The following LEMD1 variants were observed in gnomAD, a reference collection of about 807,000 sequenced individuals.
The protein encoded by LEMD1 is LEM domain containing 1.
A neutral mutation model predicts 17.4 loss-of-function variants in LEMD1; 18 were observed. That is an observed-to-expected ratio of 1.04 (90% CI 0.72 to 1.54). The LOEUF (loss-of-function observed/expected upper bound fraction) is 1.54. Among genes scored for constraint, LEMD1 ranks in the 40% most tolerant of loss-of-function variants. The pLI is 0.00. For missense variants in LEMD1, 195 were observed against 210.4 expected (o/e 0.93, Z 0.45); for synonymous variants, 88 against 77.8 (o/e 1.13, Z -0.69).
rs1318697733 is a variant in LEMD1 at position 205,411,586 on chromosome 1, AAAGG to A, written c.270+4642_270+4645del. 1.2e-4 allele frequency among the ~76,000 whole-genome samples: 18 copies of A among 148,678 alleles called. 1 individual carries two copies. In the South Asian group the frequency reaches 1.3e-3, roughly 11 times the overall value. ...AAAAAAAAAGAAAGAAGGAGAGAGG[AAAGG>A]AAGGAAGGAAGGTAGGAAGGAAAGA... On this transcript the variant is annotated intron_variant, in intron 4 of 5. Transcript: ENST00000367153.
chr1:205,388,887 G>A (rs753859025), intron 4 of LEMD1, among the ~76,000 whole-genome samples: 5 of 151,964 alleles, frequency 3.3e-5, no homozygotes, highest in Non-Finnish European at 5.9e-5. Flanking sequence ...GTATATCACA[G>A]TCAGTCTGAA....
intron 4 of LEMD1, among the ~76,000 whole-genome samples, chr1:205,394,802 C>T (rs1458033972): frequency 6.6e-6 from 1 of 151,714 alleles, no homozygotes; most frequent in African/African-American, 2.4e-5. Context: ...ACCTGACCAA[C>T]GTGGTGAAAC....
At chr1:205,384,453 A>C in intron 4 of LEMD1, 89 bp from the exon 5 acceptor site, 3 of 795,068 alleles carry the variant, frequency 3.8e-6, no homozygotes, top group Admixed American at 3.9e-5. Flanking sequence ...AAAGTCACAT[A>C]ATATGCCAAA....
At chr1:205,431,631 C>G (rs1206921324) in intron 1 of LEMD1, among the ~76,000 whole-genome samples, 1 of 152,154 alleles carries the variant, frequency 6.6e-6, no homozygotes, top group Non-Finnish European at 1.5e-5. Context: ...AAACTGAGGT[C>G]CAGACAAAGT....
Position 205,384,545 on chromosome 1 carries a change from G to T in LEMD1, c.271-181C>A, listed in dbSNP as rs571276868. On this transcript the variant is annotated intron_variant, in intron 4 of 5. Transcript: ENST00000367153. ...TTCAAGAATTAGCAAAAACATCTAA[G>T]TTCCATGGAGTAATATTTTACTTCA... Among the ~76,000 whole-genome samples the T allele has an allele frequency of 2.6e-5, 4 of 152,220 alleles. No individual in the cohort carries two copies. The South Asian group carries it at 8.3e-4, about 32-fold the overall frequency.
At chr1:205,416,174 G>A (rs1399898266) in intron 4 of LEMD1, 58 bp downstream of exon 4, 3 of 1,106,182 alleles carry the variant, frequency 2.7e-6, no homozygotes, top group South Asian at 1.4e-5. Flanking sequence ...GATGAACAGA[G>A]CTACTCCCTG....
chr1:205,438,992 C>T (rs1401382507), intron 1 of LEMD1, among the ~76,000 whole-genome samples: 8 of 152,232 alleles, frequency 5.3e-5, no homozygotes. Flanking sequence ...GTGGTCAGGA[C>T]ATAACACCCA....
intron 4 of LEMD1, among the ~76,000 whole-genome samples, chr1:205,402,695 C>T (rs1047187426): frequency 6.6e-6 from 1 of 151,118 alleles, no homozygotes; most frequent in Admixed American, 6.6e-5. Flanking sequence ...CCTTTATTTC[C>T]TTCTCCTGCC....
At chr1:205,420,756 T>C (rs550508311) in intron 1 of LEMD1, among the ~76,000 whole-genome samples, 182 bp from the exon 2 acceptor site, 1 of 152,362 alleles carries the variant, frequency 6.6e-6, no homozygotes, top group South Asian at 2.1e-4. Flanking sequence ...TTGCCTCCAA[T>C]GTAAAACTTT....
At chr1:205,383,904 G>A (rs2102331630) in intron 5 of LEMD1, among the ~76,000 whole-genome samples, 1 of 151,786 alleles carries the variant, frequency 6.6e-6, no homozygotes, top group South Asian at 2.1e-4. Flanking sequence ...CCAAAGTGCT[G>A]GGATTACAGG....
chr1:205,390,089 T>C (rs1220957602), intron 4 of LEMD1, among the ~76,000 whole-genome samples: 1 of 152,192 alleles, frequency 6.6e-6, no homozygotes, highest in African/African-American at 2.4e-5. Context: ...GGGAGGTGGC[T>C]CACGCCTGTA....
At chr1:205,391,320 G>A (rs1055674837) in intron 4 of LEMD1, among the ~76,000 whole-genome samples, 1 of 151,990 alleles carries the variant, frequency 6.6e-6, no homozygotes, top group Non-Finnish European at 1.5e-5. Flanking sequence ...AGGCCAGGGA[G>A]CTTGAGACTT....
intron 1 of LEMD1, among the ~76,000 whole-genome samples, chr1:205,439,153 CTT>C (rs574966607): frequency 6.6e-6 from 1 of 152,226 alleles, no homozygotes; most frequent in Non-Finnish European, 1.5e-5. Flanking sequence ...CTGCCCATCT[CTT>C]TGCCTCACCC....
intron 4 of LEMD1, among the ~76,000 whole-genome samples, chr1:205,412,229 G>A (rs1010528784): frequency 6.6e-6 from 1 of 152,018 alleles, no homozygotes; most frequent in African/African-American, 2.4e-5. Flanking sequence ...TTGGTAGAAG[G>A]GCACTTAGAG....
At chr1:205,382,059 T>C (rs1663729376) in intron 5 of LEMD1, 1 of 582,848 alleles carries the variant, frequency 1.7e-6, no homozygotes, top group East Asian at 2.9e-5. Context: ...TGGAGTGCAG[T>C]GGTACAATCA....
At chr1:205,432,291 C>A (rs1345504631) in intron 1 of LEMD1, among the ~76,000 whole-genome samples, 1 of 152,172 alleles carries the variant, frequency 6.6e-6, no homozygotes, top group African/African-American at 2.4e-5. Flanking sequence ...CAGAGAGCCC[C>A]CAGCCACTCC....
chr1:205,391,834 G>A (rs990927728), intron 4 of LEMD1, among the ~76,000 whole-genome samples: 1 of 152,108 alleles, frequency 6.6e-6, no homozygotes, highest in Non-Finnish European at 1.5e-5. Context: ...AAGGCCGGGT[G>A]TGGTGGCTCA....
chr1:205,409,531 A>G (rs377400947), intron 4 of LEMD1, among the ~76,000 whole-genome samples: 4 of 152,184 alleles, frequency 2.6e-5, no homozygotes, highest in Non-Finnish European at 5.9e-5. Context: ...AAACTAAGAC[A>G]TAGAGAGGTT....
chr1:205,445,701 C>G (rs190328008), intron 1 of LEMD1, among the ~76,000 whole-genome samples: 2 of 152,344 alleles, frequency 1.3e-5, no homozygotes, highest in East Asian at 1.9e-4. Flanking sequence ...GTGGCCTGCA[C>G]TCAGTGTTTT....
Sources: allele counts gnomAD v4.1 joint callset (sites outside exome capture counted in the v4.1 genomes callset), GRCh38; gene constraint gnomAD v4.1.1; transcripts MANE v1.5; gene names NCBI Gene and HGNC (gene_info 2026-07-23, HGNC 2026-07-21).